The following OSBPL1A variants were observed in gnomAD, a reference collection of about 807,000 sequenced individuals.
OSBPL1A encodes oxysterol-binding protein-related protein 1.
Under a neutral mutation model 137.1 loss-of-function variants are expected in OSBPL1A, and 80 were observed. The observed-to-expected ratio is 0.58, with a 90% CI of 0.49 to 0.70. The LOEUF is 0.70. Among genes scored for constraint, OSBPL1A ranks in the 30% least tolerant of loss-of-function variants. The pLI, the probability that OSBPL1A is intolerant of heterozygous loss-of-function variation, is 0.00. For missense variants in OSBPL1A, 970 were observed against 1,129.4 expected, an observed-to-expected ratio of 0.86 and a Z score of 2.02; for synonymous variants, 365 against 389.7, an observed-to-expected ratio of 0.94 and a Z score of 0.75.
At chr18:24,280,762 T>C (rs1164412980) in intron 15 of OSBPL1A, 80 bp downstream of exon 15, 6 of 963,596 alleles carry the variant, frequency 6.2e-6, no homozygotes, top group Non-Finnish European at 8.7e-6. Flanking sequence ...TTTGAACAAT[T>C]TGAAAGCAAT....
At chr18:24,338,536 T>A (rs778307125) in intron 5 of OSBPL1A, among the ~76,000 whole-genome samples, 1 of 152,172 alleles carries the variant, frequency 6.6e-6, no homozygotes, top group East Asian at 1.9e-4. Context: ...ATAAACTCCC[T>A]GCTACTCCAT....
intron 7 of OSBPL1A, among the ~76,000 whole-genome samples, chr18:24,319,916 G>A (rs184441450): frequency 7.9e-5 from 12 of 151,390 alleles, no homozygotes; most frequent in Admixed American, 4.0e-4. Flanking sequence ...AGGCTAAGGC[G>A]GAAGGATGGC....
At chr18:24,387,320 G>A (rs969443755) in intron 1 of OSBPL1A, among the ~76,000 whole-genome samples, 13 of 151,922 alleles carry the variant, frequency 8.6e-5, no homozygotes, top group African/African-American at 3.1e-4. Flanking sequence ...CTCCCAAAGT[G>A]CTAGGATTAC....
rs1452494752 is a variant in OSBPL1A at position 24,201,685 on chromosome 18, C to A, written c.1602-5485G>T. ...GGCTGAGGCAGGAGAATCACTTGAA[C>A]CCAGGAGGCAGAGGTTGCAGTGAGC... On this transcript the variant is annotated intron_variant, in intron 17 of 27. Coordinates refer to ENST00000319481, the MANE Select transcript of OSBPL1A (RefSeq NM_080597.4). Among the ~76,000 whole-genome samples the A allele has an allele frequency of 2.6e-5, 4 of 152,040 alleles. No homozygotes were observed. The East Asian group carries it at 7.7e-4, about 29-fold the overall frequency.
intron 15 of OSBPL1A, among the ~76,000 whole-genome samples, chr18:24,251,021 G>A (rs978975879): frequency 6.6e-6 from 1 of 152,188 alleles, no homozygotes; most frequent in Non-Finnish European, 1.5e-5. Flanking sequence ...AGGCTCCTGT[G>A]CCTGTGGAAA....
At chr18:24,379,342 A>C (rs753295946) in intron 1 of OSBPL1A, among the ~76,000 whole-genome samples, 6 of 152,126 alleles carry the variant, frequency 3.9e-5, no homozygotes, top group Non-Finnish European at 7.3e-5. Context: ...CAACATGGTG[A>C]AACCCCAACT....
intron 4 of OSBPL1A, among the ~76,000 whole-genome samples, chr18:24,352,286 A>G (rs1384949552): frequency 6.6e-6 from 1 of 152,170 alleles, no homozygotes; most frequent in African/African-American, 2.4e-5. Context: ...TGGGTGACAG[A>G]GTGAGACCCT....
intron 7 of OSBPL1A, among the ~76,000 whole-genome samples, chr18:24,326,032 G>A (rs1035034007): frequency 3.3e-5 from 5 of 151,418 alleles, no homozygotes; most frequent in East Asian, 1.9e-4. Flanking sequence ...GATTACAGGC[G>A]TGAGCCACCA....
chr18:24,220,514 T>TC (rs1259752474), intron 17 of OSBPL1A, among the ~76,000 whole-genome samples: 1 of 152,116 alleles, frequency 6.6e-6, no homozygotes, highest in Non-Finnish European at 1.5e-5. Context: ...GAACCACTGT[T>TC]CCCTCCAGCC....
intron 17 of OSBPL1A, among the ~76,000 whole-genome samples, chr18:24,211,551 A>G (rs1332617234): frequency 6.6e-6 from 1 of 151,660 alleles, no homozygotes; most frequent in African/African-American, 2.4e-5. Flanking sequence ...GAGGACCCCT[A>G]CTCCCCACCA....
chr18:24,293,811 A>C (rs2090237985), intron 14 of OSBPL1A, among the ~76,000 whole-genome samples: 1 of 152,164 alleles, frequency 6.6e-6, no homozygotes, highest in South Asian at 2.1e-4. Context: ...TCTGGAAGCC[A>C]CTGGATGTTT....
chr18:24,223,691 T>G (rs761051845), intron 17 of OSBPL1A, among the ~76,000 whole-genome samples: 1 of 152,166 alleles, frequency 6.6e-6, no homozygotes, highest in Non-Finnish European at 1.5e-5. Flanking sequence ...GTCATGATTA[T>G]AGCACACATA....
intron 17 of OSBPL1A, among the ~76,000 whole-genome samples, chr18:24,224,618 A>C (rs2088006356): frequency 6.6e-6 from 1 of 152,230 alleles, no homozygotes; most frequent in African/African-American, 2.4e-5. Flanking sequence ...ATTTAACTAA[A>C]TTGCATCAAC....
At chr18:24,312,717 G>GAGTTAGATTGTTTAGTT (rs1277097314) in intron 12 of OSBPL1A, among the ~76,000 whole-genome samples, 7 of 152,172 alleles carry the variant, frequency 4.6e-5, no homozygotes, top group Non-Finnish European at 1.0e-4. Flanking sequence ...GGAGAGTCAT[G>GAGTTAGATTGTTTAGTT]AGTTAGATTG....
At chr18:24,171,994 G>A (rs1025452788) in intron 22 of OSBPL1A, among the ~76,000 whole-genome samples, 6 of 147,922 alleles carry the variant, frequency 4.1e-5, no homozygotes, top group African/African-American at 7.6e-5. Context: ...AGGCTAAAGT[G>A]CAGTGGCGCT....
intron 17 of OSBPL1A, 71 bp downstream of exon 17, chr18:24,224,971 T>A: frequency 6.3e-7 from 1 of 1,577,332 alleles, no homozygotes. Flanking sequence ...ACAAGACATA[T>A]ATTTCTTTAT....
chr18:24,326,332 T>A (rs1256678102), intron 7 of OSBPL1A, among the ~76,000 whole-genome samples: 1 of 152,210 alleles, frequency 6.6e-6, no homozygotes, highest in Admixed American at 6.5e-5. Flanking sequence ...CTGCCAGTCC[T>A]CATCCATTCA....
At position 24,239,210 on chromosome 18, in the gene OSBPL1A, C is replaced by T. The variant is rs1599546391; in HGVS notation, c.1444+10G>A. 6.2e-7 allele frequency: 1 copy of T among 1,612,234 alleles called. No individual in the cohort carries two copies. On this transcript the variant is annotated intron_variant, in intron 16 of 27. Transcript: ENST00000319481. ...CACCAACAATGCAGAGGGAAGGATC[C>T]CAGAGTTACCTGACAGCGCATCATA...
chr18:24,203,574 C>G (rs543137546), intron 17 of OSBPL1A, among the ~76,000 whole-genome samples: 1 of 152,296 alleles, frequency 6.6e-6, no homozygotes, highest in African/African-American at 2.4e-5. Flanking sequence ...GCATCTCACA[C>G]ACGCTGGTTT....
Sources: gnomAD v4.1 joint callset for allele counts (sites outside exome capture counted in the v4.1 genomes callset) on GRCh38, gnomAD v4.1.1 for gene constraint, MANE v1.5 for transcripts, NCBI Gene and HGNC (gene_info 2026-07-23, HGNC 2026-07-21) for gene names.